RIF1: variants seen among roughly 807,000 people sequenced by gnomAD.
The protein encoded by RIF1 is telomere-associated protein RIF1.
Under a neutral mutation model 247.1 loss-of-function variants are expected in RIF1, and 45 were observed. That is an observed-to-expected ratio of 0.18 (90% CI 0.14 to 0.23). The LOEUF is 0.23. RIF1 is among the 10% of genes least tolerant of loss of function. The pLI is 1.00. For synonymous variants in RIF1, 1,087 were observed against 978.8 expected, an observed-to-expected ratio of 1.11 and a Z score of -2.06; for missense variants, 2,967 against 2,862.5, an observed-to-expected ratio of 1.04 and a Z score of -0.83.
chr2:151,484,987 C>G (rs541298841), downstream of RIF1, among the ~76,000 whole-genome samples: 1 of 152,292 alleles, frequency 6.6e-6, no homozygotes, highest in Non-Finnish European at 1.5e-5. Context: ...TGTAAAGTTA[C>G]AGGGACTTAC....
chr2:151,494,524 G>T (rs1368767334), intron 9 of RIF1, among the ~76,000 whole-genome samples: 1 of 152,132 alleles, frequency 6.6e-6, no homozygotes, highest in Non-Finnish European at 1.5e-5. Context: ...TCATTTTACC[G>T]CTAGTCTCTC....
intron 25 of RIF1, 21 bp from the exon 26 acceptor site, chr2:151,459,979 G>T: frequency 6.7e-7 from 1 of 1,500,650 alleles, no homozygotes; most frequent in South Asian, 1.3e-5. Flanking sequence ...TAATGAAATT[G>T]TTTCATTTTT....
rs1387048915 is a variant in RIF1, at chr2:151,497,178, G to A, written c.*513+1852G>A. 11 of 1,264,556 alleles carry A rather than the reference G, an allele frequency of 8.7e-6. No individual in the cohort carries two copies. In the Admixed American group the frequency reaches 1.9e-4, roughly 22 times the overall value. 78.3% of individuals were successfully genotyped at this position (1,264,556 alleles called of 1,614,324 possible). On this transcript the variant is annotated intron_variant and NMD_transcript_variant, in intron 10 of 13. Transcript: ENST00000454583. ...AGTTATATGCTGACAAAATGCCACC[G>A]ACTACTTTACTTTAGTGGAAGTTGT...
At chr2:151,524,623 T>C in the RIF1 span, 6 of 1,556,112 alleles carry the variant, frequency 3.9e-6, no homozygotes, top group Admixed American at 3.4e-5. Context: ...CGACCTTTAT[T>C]GGGGAAGAAA....
chr2:151,423,265 A>G (rs1688476626), intron 8 of RIF1: 2 of 454,572 alleles, frequency 4.4e-6, no homozygotes, highest in East Asian at 4.6e-5. Flanking sequence ...GGAGTCACAC[A>G]ACGTGCATGT....
At chr2:151,446,800 C>T (rs145981716) in intron 20 of RIF1, among the ~76,000 whole-genome samples, 51 of 152,172 alleles carry the variant, frequency 3.4e-4, no homozygotes, top group African/African-American at 1.1e-3. Flanking sequence ...ACTGTGTTAT[C>T]TCCTTGTGCT....
intron 7 of RIF1, among the ~76,000 whole-genome samples, chr2:151,421,727 T>G (rs545729209): frequency 1.6e-4 from 25 of 152,286 alleles, no homozygotes; most frequent in African/African-American, 6.0e-4. Flanking sequence ...CCTGGGATTT[T>G]ACTTGCTTAA....
chr2:151,440,104 G>A lies in RIF1; in HGVS notation c.1624G>A (p.Val542Ile). The change falls in exon 15 of 36, where the codon GTA becomes ATA. Residue 542 changes from valine (V) to isoleucine (I), a missense_variant. Val to Ile is a conservative substitution (Grantham distance 29). Around this residue, in one of 7 missense-constraint regions of RIF1, gnomAD observed 369 missense variants for 322.0 expected, o/e 1.15. Transcript: ENST00000444746. The part of the protein sequence containing the change: ...KSLESIVKSE[V>I]FPVSKTLVLM... ...TTTGGAAAGCATAGTAAAGTCTGAA[G>A]TATTTCCTGTATCAAAAACGCTGGT... is the stretch of plus-strand genomic sequence containing the variant. 1.3e-6 allele frequency: 2 copies of A among 1,579,516 alleles called. No individual in the cohort carries two copies. Among genetic ancestry groups the A allele is most frequent in the Non-Finnish European group, 1.7e-6 (2 of 1,156,656 alleles).
In RIF1 at chr2:151,490,164, T is replaced by C. The variant is rs2055107697; in HGVS notation, c.*416-5065T>C. 11 of 1,216,708 alleles carry C rather than the reference T, an allele frequency of 9.0e-6. No homozygotes were observed. In the East Asian group the frequency reaches 1.6e-4, roughly 18 times the overall value. 75.4% of individuals were successfully genotyped at this position (1,216,708 alleles called of 1,614,324 possible). On this transcript the variant is annotated intron_variant and NMD_transcript_variant, in intron 9 of 13. Transcript: ENST00000454583. ...GTTTAGCAGCTGAGTGATGTCTTTT[T>C]CCCCCAACTTAGAATGATTTCCAAA...
At chr2:151,512,645 A>G, downstream of RIF1, 2 of 975,432 alleles carry the variant, frequency 2.1e-6, no homozygotes. Flanking sequence ...AACTGATCTG[A>G]AGAATCTCTT....
intron 11 of RIF1, chr2:151,502,816 G>C (rs201419564): frequency 6.2e-7 from 1 of 1,604,576 alleles, no homozygotes; most frequent in East Asian, 2.2e-5. Flanking sequence ...TCTTGATTGC[G>C]TTTGACTCTC....
chr2:151,505,628 C>T (rs1575425448), intron 12 of RIF1: 1 of 1,372,656 alleles, frequency 7.3e-7, no homozygotes, highest in East Asian at 2.3e-5. Context: ...TGTTATTCTT[C>T]CCAACATGTA....
intron 34 of RIF1, among the ~76,000 whole-genome samples, chr2:151,471,268 A>C (rs1197691174): frequency 1.3e-5 from 2 of 152,210 alleles, no homozygotes; most frequent in Non-Finnish European, 2.9e-5. Context: ...TCTGGATATT[A>C]GCCTTTTGTC....
the RIF1 span, among the ~76,000 whole-genome samples, chr2:151,515,651 G>A: frequency 5.9e-5 from 9 of 152,190 alleles, no homozygotes; most frequent in Admixed American, 6.5e-5. Flanking sequence ...GAGGGGCTTG[G>A]AATAGATGTT....
chr2:151,423,245 G>T (rs1010879480), intron 8 of RIF1: 6 of 489,588 alleles, frequency 1.2e-5, no homozygotes, highest in Non-Finnish European at 2.1e-5. Flanking sequence ...ACCCAAAGTG[G>T]CAAAGAATTG....
intron 20 of RIF1, among the ~76,000 whole-genome samples, chr2:151,449,574 C>T (rs1314367883): frequency 1.3e-5 from 2 of 152,178 alleles, no homozygotes; most frequent in African/African-American, 4.8e-5. Flanking sequence ...GCTTCAACCT[C>T]CCGAGTGGGT....
At chr2:151,532,807 A>G in the RIF1 span, among the ~76,000 whole-genome samples, 1 of 152,102 alleles carries the variant, frequency 6.6e-6, no homozygotes. Flanking sequence ...GTAGTTACCA[A>G]TTATCACTGT....
At chr2:151,486,651 G>A (rs185986903), downstream of RIF1, 83 of 152,328 alleles carry the variant, frequency 5.4e-4, 1 homozygote, top group African/African-American at 1.7e-3. Flanking sequence ...TATCCATACA[G>A]ATCTATTATT....
At chr2:151,501,526 A>AT (rs778177270) in intron 11 of RIF1, 7 of 1,166,486 alleles carry the variant, frequency 6.0e-6, no homozygotes, top group Non-Finnish European at 8.0e-6. Flanking sequence ...TGGACCCATC[A>AT]TTTTTTAGGT....
Sources: allele counts gnomAD v4.1 joint callset (sites outside exome capture counted in the v4.1 genomes callset), GRCh38; gene constraint gnomAD v4.1.1; regional missense constraint gnomAD v4.1.1; transcripts MANE v1.5; gene names NCBI Gene and HGNC (gene_info 2026-07-23, HGNC 2026-07-21).